The following NECTIN3 variants were observed in gnomAD, a reference collection of about 807,000 sequenced individuals.
NECTIN3 encodes the protein nectin-3.
NECTIN3 carries 8 observed loss-of-function variants against 49.4 expected under a neutral mutation model. The observed-to-expected ratio is 0.16, with a 90% confidence interval of 0.10 to 0.29. NECTIN3 has a LOEUF of 0.29. Among genes scored for constraint, NECTIN3 ranks in the 10% least tolerant of loss-of-function variants. NECTIN3 has a pLI of 1.00. For missense variants in NECTIN3, 581 were observed against 654.6 expected (o/e 0.89, Z 1.23); for synonymous variants, 277 against 241.1 (o/e 1.15, Z -1.38).
At chr3:111,078,306 G>A (rs144469907) in intron 1 of NECTIN3, among the ~76,000 whole-genome samples, 70 of 152,176 alleles carry the variant, frequency 4.6e-4, no homozygotes, top group African/African-American at 1.6e-3. Context: ...CTCCAGGAAG[G>A]CTTCCCTCAC....
At chr3:111,123,945 AGT>A (rs2034057851) in intron 4 of NECTIN3, among the ~76,000 whole-genome samples, 1 of 152,134 alleles carries the variant, frequency 6.6e-6, no homozygotes, top group South Asian at 2.1e-4. Flanking sequence ...GTCTTCTAAA[AGT>A]GTGTTGAAAC....
At chr3:111,081,266 G>A (rs1427256683) in intron 1 of NECTIN3, among the ~76,000 whole-genome samples, 1 of 152,192 alleles carries the variant, frequency 6.6e-6, no homozygotes, top group Non-Finnish European at 1.5e-5. Context: ...GGACAACAGG[G>A]CAAGACTCTG....
intron 5 of NECTIN3, among the ~76,000 whole-genome samples, chr3:111,129,245 C>A (rs1232490007): frequency 6.6e-6 from 1 of 151,726 alleles, no homozygotes; most frequent in Non-Finnish European, 1.5e-5. Flanking sequence ...AAATAAAATA[C>A]CCTCCCTTCT....
At chr3:111,190,816 G>A (rs1328454527), upstream of NECTIN3, among the ~76,000 whole-genome samples, 1 of 152,210 alleles carries the variant, frequency 6.6e-6, no homozygotes, top group African/African-American at 2.4e-5. Flanking sequence ...CTACTTACTG[G>A]AGTTGAAAGT....
At chr3:111,152,154 T>A (rs2035012930) in intron 7 of NECTIN3, among the ~76,000 whole-genome samples, 2 of 151,936 alleles carry the variant, frequency 1.3e-5, no homozygotes, top group Non-Finnish European at 2.9e-5. Flanking sequence ...TAGTTTGTAA[T>A]GTCAAAAGAT....
At chr3:111,126,621 A>G (rs763091494) in intron 5 of NECTIN3, among the ~76,000 whole-genome samples, 10 of 152,278 alleles carry the variant, frequency 6.6e-5, no homozygotes, top group South Asian at 2.1e-4. Flanking sequence ...CTATTTCTTT[A>G]ATACATAGTA....
At chr3:111,110,951 G>T (rs544457234) in intron 1 of NECTIN3, among the ~76,000 whole-genome samples, 1 of 151,960 alleles carries the variant, frequency 6.6e-6, no homozygotes, top group African/African-American at 2.4e-5. Context: ...ATGTTTAAAT[G>T]CATTTTTCTT....
intron 3 of NECTIN3, among the ~76,000 whole-genome samples, chr3:111,119,926 T>C (rs945353728): frequency 3.3e-5 from 5 of 152,330 alleles, no homozygotes; most frequent in East Asian, 1.9e-4. Context: ...AAATTACACA[T>C]ATTCATTACA....
chr3:111,104,465 C>T lies in NECTIN3; in HGVS notation c.161-7565C>T, dbSNP rs2033077714. 1.3e-5 allele frequency among the ~76,000 whole-genome samples: 2 copies of T among 151,778 alleles called. 1 individual carries two copies. Among genetic ancestry groups the T allele is most frequent in the South Asian group, 4.2e-4 (2 of 4,808 alleles). ...ACTCCTGAATAGCTGGGACTACAGGCGTACACCAACACGTCTGGCTAATTT... is the reference window on the plus strand; with the variant it reads ...ACTCCTGAATAGCTGGGACTACAGGTGTACACCAACACGTCTGGCTAATTT... On this transcript the variant is annotated intron_variant, in intron 1 of 5. Transcript: ENST00000485303.
Position 111,122,258 on chromosome 3 carries a change from A to G in NECTIN3, c.917+20A>G. 6.5e-7 allele frequency: 1 copy of G among 1,528,762 alleles called. No individual in the cohort carries two copies. Among genetic ancestry groups the G allele is most frequent in the Non-Finnish European group, 9.0e-7 (1 of 1,110,146 alleles). 94.7% of individuals were successfully genotyped at this position (1,528,762 alleles called of 1,614,324 possible). On this transcript the variant is annotated intron_variant, in intron 4 of 5. Coordinates refer to ENST00000485303, the MANE Select transcript of NECTIN3 (RefSeq NM_015480.3). Reference sequence around the variant, plus strand: ...GAGCAGGTAATGTTATATACTTCGAAAGAGAAATTATCTAAAAGTGAAACC... The same window carrying G: ...GAGCAGGTAATGTTATATACTTCGAGAGAGAAATTATCTAAAAGTGAAACC...
chr3:111,130,012 G>C (rs1441630603), intron 5 of NECTIN3, among the ~76,000 whole-genome samples: 1 of 148,618 alleles, frequency 6.7e-6, no homozygotes, highest in African/African-American at 2.5e-5. Flanking sequence ...CTTGAGTGCA[G>C]TGGAGCGATC....
At chr3:111,149,530 A>T (rs2107511589) in intron 7 of NECTIN3, among the ~76,000 whole-genome samples, 1 of 142,184 alleles carries the variant, frequency 7.0e-6, no homozygotes, top group South Asian at 2.2e-4. Flanking sequence ...TCTGGTACGT[A>T]TTTTCCACAT....
chr3:111,184,481 C>T (rs148998086), intron 7 of NECTIN3, among the ~76,000 whole-genome samples: 5 of 152,258 alleles, frequency 3.3e-5, no homozygotes, highest in Middle Eastern at 3.4e-3. Flanking sequence ...CTGCTTTCCA[C>T]GGTAGAATGA....
rs1043239721 is a variant in NECTIN3, at chr3:111,136,501, G to C, written c.*2286G>C. On this transcript the variant is annotated 3_prime_UTR_variant, in exon 6 of 6. Transcript: ENST00000485303. ...GTAAGAATCTGATACTAGTGCTTAA[G>C]ACTTTGGGAAGCATTGCACTGTTGT... 10 of 982,750 alleles carry C rather than the reference G, an allele frequency of 1.0e-5. No homozygotes were observed. The highest frequency in any genetic ancestry group is 2.4e-6 in the Non-Finnish European group (2 of 827,860). The allele number at this position is 982,750 out of a possible 1,614,324, so 60.9% of individuals were successfully genotyped here.
At chr3:111,104,745 A>C (rs2033095246) in intron 1 of NECTIN3, among the ~76,000 whole-genome samples, 1 of 152,146 alleles carries the variant, frequency 6.6e-6, no homozygotes, top group Non-Finnish European at 1.5e-5. Context: ...TTTTCTCCTC[A>C]TTAGTGGTTT....
chr3:111,075,274 C>T (rs1010888035), intron 1 of NECTIN3: 1 of 152,176 alleles, frequency 6.6e-6, no homozygotes, highest in East Asian at 1.9e-4. Context: ...ATGAAAAAAA[C>T]AGTCATTTTT....
At chr3:111,193,889 G>A (rs1037727221) in intron 1 of NECTIN3, among the ~76,000 whole-genome samples, 1 of 152,200 alleles carries the variant, frequency 6.6e-6, no homozygotes, top group African/African-American at 2.4e-5. Context: ...GAGGCCTGAG[G>A]AAAGAGGCAA....
At chr3:111,090,942 G>A (rs866595876) in intron 1 of NECTIN3, among the ~76,000 whole-genome samples, 2 of 151,990 alleles carry the variant, frequency 1.3e-5, no homozygotes, top group Middle Eastern at 3.4e-3. Flanking sequence ...GTGTGTGTGT[G>A]TGTATCTCAT....
chr3:111,134,554 A>G lies in NECTIN3; in HGVS notation c.*339A>G, dbSNP rs969293788. On this transcript the variant is annotated 3_prime_UTR_variant, in exon 6 of 6. Transcript: ENST00000485303. ...TTTTTAAAAAGGGAACTACCTTGAC[A>G]TTGTGTATTAAATGTTTACCTAAGA... 122 of 970,278 alleles carry G rather than the reference A, an allele frequency of 1.3e-4. No homozygotes were observed. Among genetic ancestry groups the G allele is most frequent in the Middle Eastern group, 5.1e-4 (1 of 1,960 alleles). 60.1% of individuals were successfully genotyped at this position (970,278 alleles called of 1,614,324 possible). A position where few individuals can be genotyped will look rare whatever the true frequency, so the allele number is the denominator to read the frequency against.
Sources: gnomAD v4.1 joint callset for allele counts (sites outside exome capture counted in the v4.1 genomes callset) on GRCh38, gnomAD v4.1.1 for gene constraint, MANE v1.5 for transcripts, NCBI Gene and HGNC (gene_info 2026-07-23, HGNC 2026-07-21) for gene names.